RAPGEF4: variants seen among roughly 807,000 people sequenced by gnomAD.
RAPGEF4 encodes RAP guanine-nucleotide-exchange factor (GEF) 4.
RAPGEF4 carries 66 observed loss-of-function variants against 147.9 expected under a neutral mutation model. The observed-to-expected ratio is 0.45, with a 90% CI of 0.37 to 0.55. The LOEUF is 0.55. Among genes scored for constraint, RAPGEF4 ranks in the 20% least tolerant of loss-of-function variants. The probability of loss-of-function intolerance (pLI) is 0.00; values close to 1 mark genes in which losing one functional copy is unlikely to be tolerated. For synonymous variants in RAPGEF4, 419 were observed against 442.7 expected, an observed-to-expected ratio of 0.95 and a Z score of 0.67; for missense variants, 1,071 against 1,257.3, an observed-to-expected ratio of 0.85 and a Z score of 2.24.
At chr2:172,984,750 G>C (rs1692059344) in intron 11 of RAPGEF4, among the ~76,000 whole-genome samples, 1 of 152,090 alleles carries the variant, frequency 6.6e-6, no homozygotes, top group Non-Finnish European at 1.5e-5. Flanking sequence ...TGTGCTCCAG[G>C]GACCCAGCAT....
chr2:172,972,455 A>C (rs992394110), intron 10 of RAPGEF4, among the ~76,000 whole-genome samples: 3 of 152,246 alleles, frequency 2.0e-5, no homozygotes, highest in Admixed American at 6.5e-5. Context: ...TCAGATGAGA[A>C]GAAAAGCACG....
At chr2:172,991,886 A>G (rs1163395509) in intron 15 of RAPGEF4, among the ~76,000 whole-genome samples, 2 of 152,236 alleles carry the variant, frequency 1.3e-5, no homozygotes, top group African/African-American at 2.4e-5. Context: ...AGAGGGCAGG[A>G]AAAAAGATAA....
intron 1 of RAPGEF4, among the ~76,000 whole-genome samples, chr2:172,773,648 C>G (rs542411272): frequency 9.9e-5 from 15 of 151,882 alleles, no homozygotes; most frequent in Middle Eastern, 3.4e-3. Flanking sequence ...CACACTGCCC[C>G]CCCCGCGGAC....
intron 4 of RAPGEF4, among the ~76,000 whole-genome samples, chr2:172,864,142 G>A (rs1694349766): frequency 6.6e-6 from 1 of 152,080 alleles, no homozygotes; most frequent in East Asian, 1.9e-4. Context: ...GCATATCATG[G>A]GTTCTACCTT....
chr2:172,850,495 A>G (rs771072110), intron 4 of RAPGEF4, among the ~76,000 whole-genome samples: 4 of 151,940 alleles, frequency 2.6e-5, no homozygotes, highest in African/African-American at 9.7e-5. Context: ...GCGGGCACCT[A>G]TAGTCCCAGC....
At chr2:172,815,581 C>G (rs1688422210) in intron 4 of RAPGEF4, among the ~76,000 whole-genome samples, 19 of 152,156 alleles carry the variant, frequency 1.2e-4, no homozygotes, top group Admixed American at 1.2e-3. Context: ...TTAAAAGGGA[C>G]CAAGCTTGAG....
rs555489871 is a variant in RAPGEF4 at position 172,855,894 on chromosome 2, AT to A, written c.444+41473del. ...TTTAAGTTTCTCTCTTTATCTTTGAATTTTAATAGTTTGAATATGATGTGCC... is the reference window on the plus strand; with the variant it reads ...TTTAAGTTTCTCTCTTTATCTTTGAATTTAATAGTTTGAATATGATGTGCC... On this transcript the variant is annotated intron_variant, in intron 4 of 30. Coordinates refer to ENST00000397081, the MANE Select transcript of RAPGEF4 (RefSeq NM_007023.4). 4.6e-5 allele frequency among the ~76,000 whole-genome samples: 7 copies of A among 152,056 alleles called. No homozygotes were observed. In the East Asian group the frequency reaches 1.4e-3, roughly 29 times the overall value.
At chr2:172,753,070 G>C (rs1695438691) in intron 1 of RAPGEF4, among the ~76,000 whole-genome samples, 1 of 151,984 alleles carries the variant, frequency 6.6e-6, no homozygotes, top group Non-Finnish European at 1.5e-5. Flanking sequence ...TCTGTGACTG[G>C]AAGTTCTAAT....
intron 23 of RAPGEF4, among the ~76,000 whole-genome samples, chr2:173,024,218 A>AT (rs5836398): frequency 0.022 from 3,005 of 137,450 alleles, 131 homozygotes; most frequent in African/African-American, 0.076. Context: ...TTTTTTTATT[A>AT]TTTTTTTTTT....
intron 4 of RAPGEF4, among the ~76,000 whole-genome samples, chr2:172,851,805 G>A (rs1471080377): frequency 6.6e-6 from 1 of 152,052 alleles, no homozygotes; most frequent in African/African-American, 2.4e-5. Context: ...AAAGGTGGAG[G>A]GTAGGAGGGT....
chr2:173,052,102 C>T lies in RAPGEF4; in HGVS notation c.*335C>T, dbSNP rs1686304584. The T allele has an allele frequency of 5.9e-6, 1 of 168,404 alleles. No homozygotes were observed. 10.4% of individuals were successfully genotyped at this position (168,404 alleles called of 1,614,324 possible). A position where few individuals can be genotyped will look rare whatever the true frequency, so the allele number is the denominator to read the frequency against. Reference sequence around the variant, plus strand: ...AGCCTTGTCAAGAGAACTAGCAAGCCCCTGACATTTTTTTCTAAGAGTGTT... The same window carrying T: ...AGCCTTGTCAAGAGAACTAGCAAGCTCCTGACATTTTTTTCTAAGAGTGTT... On this transcript the variant is annotated 3_prime_UTR_variant, in exon 31 of 31. Transcript: ENST00000397081.
chr2:172,764,169 G>A (rs939964179), intron 1 of RAPGEF4, among the ~76,000 whole-genome samples: 2 of 151,870 alleles, frequency 1.3e-5, no homozygotes, highest in South Asian at 4.2e-4. Context: ...TGGCAGGATC[G>A]CTTGAGCTCA....
intron 1 of RAPGEF4, among the ~76,000 whole-genome samples, chr2:172,789,224 T>A (rs1685556547): frequency 6.6e-6 from 1 of 152,250 alleles, no homozygotes; most frequent in Admixed American, 6.5e-5. Flanking sequence ...CAAAGTCAAC[T>A]AATTCTGGGC....
At chr2:173,032,534 T>C (rs1008730774) in intron 26 of RAPGEF4, among the ~76,000 whole-genome samples, 1 of 152,208 alleles carries the variant, frequency 6.6e-6, no homozygotes, top group African/African-American at 2.4e-5. Flanking sequence ...TTAAATGGAC[T>C]AAATTCAGTA....
At chr2:172,746,072 G>T (rs890252859) in intron 1 of RAPGEF4, among the ~76,000 whole-genome samples, 1 of 151,882 alleles carries the variant, frequency 6.6e-6, no homozygotes, top group African/African-American at 2.4e-5. Context: ...TTGTTTTTTC[G>T]CATTTGAGCC....
chr2:173,009,034 A>C (rs749246279), intron 17 of RAPGEF4, among the ~76,000 whole-genome samples: 11 of 152,198 alleles, frequency 7.2e-5, no homozygotes, highest in Non-Finnish European at 1.5e-4. Flanking sequence ...CATGTACACA[A>C]TGCTGAAGGA....
chr2:172,755,025 AGAGT>A, intron 1 of RAPGEF4, among the ~76,000 whole-genome samples: 1 of 152,132 alleles, frequency 6.6e-6, no homozygotes, highest in Non-Finnish European at 1.5e-5. Flanking sequence ...CCTGGGTGAC[AGAGT>A]GAGACTCCAT....
chr2:172,814,630 C>G (rs997783696), intron 4 of RAPGEF4: 3 of 596,774 alleles, frequency 5.0e-6, no homozygotes. Flanking sequence ...TAATTTAGTG[C>G]TTGCTCAATT....
At chr2:172,989,642 A>T (rs977938590) in intron 14 of RAPGEF4, among the ~76,000 whole-genome samples, 3 of 152,114 alleles carry the variant, frequency 2.0e-5, no homozygotes, top group Non-Finnish European at 4.4e-5. Flanking sequence ...AGGCCTGATC[A>T]TGGACTTTTA....
Sources: gnomAD v4.1 joint callset for allele counts (sites outside exome capture counted in the v4.1 genomes callset) on GRCh38, gnomAD v4.1.1 for gene constraint, MANE v1.5 for transcripts, NCBI Gene and HGNC (gene_info 2026-07-23, HGNC 2026-07-21) for gene names.